CACNA1A: variants seen among roughly 807,000 people sequenced by gnomAD.
CACNA1A encodes voltage-dependent P/Q-type calcium channel subunit alpha-1A.
In CACNA1A, 57 loss-of-function variants were observed where a neutral mutation model predicts 262.4. The ratio of observed to expected loss-of-function variants is 0.22; its 90% CI spans 0.18 to 0.27. The LOEUF (loss-of-function observed/expected upper bound fraction) is 0.27. Among genes scored for constraint, CACNA1A ranks in the 10% least tolerant of loss-of-function variants. The pLI is 1.00. For missense variants in CACNA1A, 2,526 were observed against 3,562.8 expected (o/e 0.71, Z 7.41); for synonymous variants, 1,431 against 1,419.3 (o/e 1.01, Z -0.18).
intron 9 of CACNA1A, among the ~76,000 whole-genome samples, chr19:13,331,919 C>T (rs1029129537): frequency 6.6e-6 from 1 of 152,182 alleles, no homozygotes; most frequent in Non-Finnish European, 1.5e-5. Context: ...CTTGGCCTCC[C>T]AAAGTGTTGG....
intron 8 of CACNA1A, 121 bp from the exon 9 acceptor site, chr19:13,333,046 C>T (rs893892576): frequency 6.9e-5 from 48 of 700,082 alleles, no homozygotes; most frequent in Non-Finnish European, 1.0e-4. Context: ...ACAGCTCAAC[C>T]GACCAAAAAA....
intron 3 of CACNA1A, among the ~76,000 whole-genome samples, chr19:13,416,900 G>A (rs746626839): frequency 2.6e-5 from 4 of 152,196 alleles, no homozygotes; most frequent in Non-Finnish European, 4.4e-5. Flanking sequence ...TTGGGAGGCT[G>A]AGGCAGGAGG....
In CACNA1A at chr19:13,307,778, G is replaced by T. The variant is rs757660648; in HGVS notation, c.1986+4C>A. Reference sequence around the variant, plus strand: ...TGGCCCGTGGGGCCAGGTGGAGGCTGTACCTGAAACACCGTCATTATTGCT... The same window carrying T: ...TGGCCCGTGGGGCCAGGTGGAGGCTTTACCTGAAACACCGTCATTATTGCT... On this transcript the variant is annotated splice_donor_region_variant and intron_variant, in intron 15 of 46. Transcript: ENST00000360228. 1 of 1,613,656 alleles carries T rather than the reference G, an allele frequency of 6.2e-7. No individual in the cohort carries two copies. The highest frequency in any genetic ancestry group is 1.1e-5 in the South Asian group (1 of 91,068).
At chr19:13,322,242 G>C (rs2058271021) in intron 10 of CACNA1A, among the ~76,000 whole-genome samples, 1 of 148,004 alleles carries the variant, frequency 6.8e-6, no homozygotes, top group Non-Finnish European at 1.5e-5. Context: ...CAGAAACACA[G>C]AAAGAAGACC....
chr19:13,288,985 C>T (rs1431591900), intron 19 of CACNA1A, among the ~76,000 whole-genome samples: 2 of 152,086 alleles, frequency 1.3e-5, no homozygotes, highest in South Asian at 2.1e-4. Context: ...GAATACTTCC[C>T]GGAAGGAGAA....
At chr19:13,404,437 C>A (rs958511008) in intron 3 of CACNA1A, among the ~76,000 whole-genome samples, 2 of 152,104 alleles carry the variant, frequency 1.3e-5, no homozygotes, top group Non-Finnish European at 2.9e-5. Flanking sequence ...TCAGTGCTGG[C>A]GCTGGAGTCA....
chr19:13,332,818 T>C (rs2058489446), intron 9 of CACNA1A, 51 bp downstream of exon 9: 1 of 1,256,500 alleles, frequency 8.0e-7, no homozygotes, highest in Admixed American at 1.7e-5. Context: ...CCACCACAGC[T>C]TCTCCCTTCT....
At chr19:13,293,439 CTTT>C (rs974515720) in intron 19 of CACNA1A, among the ~76,000 whole-genome samples, 4 of 80,886 alleles carry the variant, frequency 4.9e-5, no homozygotes, top group Admixed American at 3.7e-4. Context: ...TCAGTTAAAT[CTTT>C]TTTTTTTTTT....
intron 1 of CACNA1A, among the ~76,000 whole-genome samples, chr19:13,466,329 C>CTT (rs1208322550): frequency 1.0e-5 from 1 of 97,976 alleles, no homozygotes; most frequent in African/African-American, 3.6e-5. Context: ...TTTTCCTTTT[C>CTT]TTTTTTTTTA....
chr19:13,285,235 C>A (rs2057374461), intron 20 of CACNA1A, 29 bp from the exon 21 acceptor site: 3 of 1,612,526 alleles, frequency 1.9e-6, no homozygotes, highest in South Asian at 1.1e-5. Context: ...ACACAGGGCT[C>A]CCTCCACAAT....
chr19:13,375,427 A>T (rs1220988103), intron 3 of CACNA1A, among the ~76,000 whole-genome samples: 6 of 152,168 alleles, frequency 3.9e-5, no homozygotes, highest in Non-Finnish European at 7.4e-5. Flanking sequence ...TGAAAAGAAG[A>T]GTTGCACGTC....
intron 17 of CACNA1A, 78 bp from the exon 18 acceptor site, chr19:13,300,734 A>G: frequency 9.0e-7 from 1 of 1,112,290 alleles, no homozygotes; most frequent in African/African-American, 1.5e-5. Context: ...GTTGCTGACC[A>G]GGGGCAACAT....
chr19:13,235,304 T>A, intron 32 of CACNA1A, 30 bp from the exon 33 acceptor site: 1 of 1,554,660 alleles, frequency 6.4e-7, no homozygotes, highest in Non-Finnish European at 8.7e-7. Flanking sequence ...TGAAGAAGAG[T>A]GCTGGGGGTC....
chr19:13,407,980 T>A (rs186719038), intron 3 of CACNA1A, among the ~76,000 whole-genome samples: 156 of 152,142 alleles, frequency 1.0e-3, no homozygotes, highest in Non-Finnish European at 1.9e-3. Flanking sequence ...CCCCCCTCAC[T>A]CTCTCTCTCC....
At chr19:13,322,640 G>C (rs12460055) in intron 10 of CACNA1A, among the ~76,000 whole-genome samples, 29,712 of 151,456 alleles carry the variant, frequency 0.2, 3,555 homozygotes, top group East Asian at 0.37. Context: ...CTGTCACCCA[G>C]GCTGGAGTGC....
intron 20 of CACNA1A, among the ~76,000 whole-genome samples, chr19:13,285,679 C>T (rs1312092448): frequency 2.0e-5 from 3 of 152,116 alleles, no homozygotes; most frequent in Non-Finnish European, 4.4e-5. Context: ...AACTGCATGG[C>T]ATGCCCCCAT....
Position 13,230,147 on chromosome 19 carries a change from G to T in CACNA1A, c.5463C>A (p.Ser1821=), listed in dbSNP as rs1181922558. 6.2e-7 allele frequency: 1 copy of T among 1,613,934 alleles called. No homozygotes were observed. Among genetic ancestry groups the T allele is most frequent in the South Asian group, 1.1e-5 (1 of 91,082 alleles). ...DNFEYLTRDS[S]ILGPHHLDEY... ...CATCCAGGTGGTGGGGGCCCAGGATGGAGGAGTCTCGGGTGAGGTACTCAA... is the reference window on the plus strand; with the variant it reads ...CATCCAGGTGGTGGGGGCCCAGGATTGAGGAGTCTCGGGTGAGGTACTCAA... The change falls in exon 36 of 47, where the codon TCC becomes TCA. Residue 1821 remains serine (S), a synonymous_variant. Coordinates refer to ENST00000360228, the MANE Select transcript of CACNA1A (RefSeq NM_001127222.2).
intron 24 of CACNA1A, chr19:13,274,930 T>G (rs2057109662): frequency 1.3e-5 from 2 of 151,812 alleles, no homozygotes. Flanking sequence ...AGAGGCCATC[T>G]TAGCATGGTA....
Position 13,212,032 on chromosome 19 carries a change from T to TG in CACNA1A, c.6303+70dup, listed in dbSNP as rs1466348508. The TG allele has an allele frequency of 9.5e-5, 106 of 1,117,526 alleles. No homozygotes were observed. Among genetic ancestry groups the TG allele is most frequent in the African/African-American group, 2.0e-4 (13 of 65,456 alleles). 69.2% of individuals were successfully genotyped at this position (1,117,526 alleles called of 1,614,324 possible). A position where few individuals can be genotyped will look rare whatever the true frequency, so the allele number is the denominator to read the frequency against. Reference sequence around the variant, plus strand: ...CAGGGAGGGGATGCACTGGGCTGCTTGTGGGGGGGCCTGGCCCTACCCAGT... The same window carrying TG: ...CAGGGAGGGGATGCACTGGGCTGCTTGGTGGGGGGGCCTGGCCCTACCCAGT... On this transcript the variant is annotated intron_variant, in intron 43 of 46. Transcript: ENST00000360228. The surrounding 1 kb of genome is among the most constrained non-coding windows in gnomAD (Gnocchi z 5.6).
Sources: allele counts gnomAD v4.1 joint callset (sites outside exome capture counted in the v4.1 genomes callset), GRCh38; gene constraint gnomAD v4.1.1; non-coding constraint Gnocchi (gnomAD v3.1); transcripts MANE v1.5; gene names NCBI Gene and HGNC (gene_info 2026-07-23, HGNC 2026-07-21).